DPEP2: variants seen among roughly 807,000 people sequenced by gnomAD.
DPEP2 encodes the protein dipeptidase 2.
A neutral mutation model predicts 51.8 loss-of-function variants in DPEP2; 45 were observed. The observed-to-expected ratio is 0.87, with a 90% CI of 0.68 to 1.11. The LOEUF (loss-of-function observed/expected upper bound fraction) is 1.11. Ranked by LOEUF, DPEP2 falls within the 50% of genes most tolerant of loss-of-function variation. The probability of loss-of-function intolerance (pLI) is 0.00; values close to 1 mark genes in which losing one functional copy is unlikely to be tolerated. For synonymous variants in DPEP2, 255 were observed against 262.7 expected (o/e 0.97, Z 0.28); for missense variants, 604 against 631.9 (o/e 0.96, Z 0.47).
chr16:67,993,152 G>C lies in DPEP2; in HGVS notation c.61C>G (p.Leu21Val). 2.6e-6 allele frequency: 4 copies of C among 1,527,112 alleles called. No individual in the cohort carries two copies. The highest frequency in any genetic ancestry group is 3.5e-6 in the Non-Finnish European group (4 of 1,133,992). 94.6% of individuals were successfully genotyped at this position (1,527,112 alleles called of 1,614,324 possible). ...GGCTGGAGCAGCAGCAGCAGGAGCA[G>C]CAGACTCAGCAGAGGCCACCGACCA... ...TFGRWPLLSL[L>V]LLLLLLQPVT... The change falls in exon 2 of 11, where the codon CTG (leucine) becomes GTG (valine). Residue 21 changes from leucine (L) to valine (V), a missense_variant. Physicochemically the swap from Leu to Val is conservative, Grantham distance 32. Coordinates refer to ENST00000393847, the MANE Select transcript of DPEP2 (RefSeq NM_022355.4).
chr16:67,990,582 G>C (rs1193831982), intron 7 of DPEP2, among the ~76,000 whole-genome samples: 1 of 152,146 alleles, frequency 6.6e-6, no homozygotes, highest in Non-Finnish European at 1.5e-5. Flanking sequence ...TCCTGCCTCA[G>C]CCTCCCAAGT....
chr16:67,990,171 A>G, intron 7 of DPEP2, 40 bp from the exon 8 acceptor site: 1 of 1,599,032 alleles, frequency 6.3e-7, no homozygotes, highest in Non-Finnish European at 8.6e-7. Context: ...CTGGCCCCTC[A>G]GCAAACTGCA....
At chr16:67,990,573 C>T (rs1022367637) in intron 7 of DPEP2, among the ~76,000 whole-genome samples, 42 of 152,256 alleles carry the variant, frequency 2.8e-4, no homozygotes, top group Middle Eastern at 3.4e-3. Flanking sequence ...CAGAGATTCT[C>T]CTGCCTCAGC....
At chr16:67,993,620 A>C in intron 1 of DPEP2, 1 of 992,998 alleles carries the variant, frequency 1.0e-6, no homozygotes, top group Non-Finnish European at 1.2e-6. Context: ...GCTTCCCCCA[A>C]ACAGTGGCCC....
At position 67,991,107 on chromosome 16, in the gene DPEP2, G is replaced by A; in HGVS notation, c.732+8C>T. On this transcript the variant is annotated splice_region_variant and intron_variant, in intron 6 of 10. Transcript: ENST00000393847. The surrounding 1 kb of genome is among the most constrained non-coding windows in gnomAD (Gnocchi z 5.1). Reference sequence around the variant, plus strand: ...TGTTTGGGGTGGAGTGTGAACCAGGGTCCTCACCTCACCAAAGTCAGTCAG... The same window carrying A: ...TGTTTGGGGTGGAGTGTGAACCAGGATCCTCACCTCACCAAAGTCAGTCAG... 1 of 1,614,222 alleles carries A rather than the reference G, an allele frequency of 6.2e-7. No homozygotes were observed. Among genetic ancestry groups the A allele is most frequent in the African/African-American group, 1.3e-5 (1 of 75,066 alleles).
Position 67,992,935 on chromosome 16 carries a change from G to T in DPEP2, c.263+15C>A. The T allele has an allele frequency of 6.2e-7, 1 of 1,604,664 alleles. No individual in the cohort carries two copies. The highest frequency in any genetic ancestry group is 8.5e-7 in the Non-Finnish European group (1 of 1,175,320). On this transcript the variant is annotated intron_variant, in intron 2 of 10. Coordinates refer to ENST00000393847, the MANE Select transcript of DPEP2 (RefSeq NM_022355.4). ...TGTGCTCAGCTCCCATCGCCCCCTT[G>T]CAGCAATTACGCACCCGTCCACGAG...
Position 67,990,118 on chromosome 16 carries a change from C to T in DPEP2, c.923G>A (p.Gly308Asp). The change falls in exon 8 of 11, where the codon GGC (glycine) becomes GAC (aspartate). Residue 308 changes from glycine (G) to aspartate (D), a missense_variant. Coordinates refer to ENST00000393847, the MANE Select transcript of DPEP2 (RefSeq NM_022355.4). ...DILQLLKKNG[G>D]VVMVSLSMGV... ...CATGGACAAAGACACCATCACGACGCCACCGTTCTTCTTCTGCAGGGGCGG... is the reference window on the plus strand; with the variant it reads ...CATGGACAAAGACACCATCACGACGTCACCGTTCTTCTTCTGCAGGGGCGG... The T allele has an allele frequency of 6.2e-7, 1 of 1,614,116 alleles. No individual in the cohort carries two copies. The highest frequency in any genetic ancestry group is 1.1e-5 in the South Asian group (1 of 91,088).
At chr16:67,997,488 C>T (rs550513945) in intron 1 of DPEP2, among the ~76,000 whole-genome samples, 7 of 152,312 alleles carry the variant, frequency 4.6e-5, no homozygotes, top group African/African-American at 1.7e-4. Flanking sequence ...TCCCGAGTAG[C>T]TGGGACTATA....
chr16:67,991,960 T>C lies in DPEP2; in HGVS notation c.540A>G (p.Lys180=). 1.2e-6 allele frequency: 2 copies of C among 1,614,172 alleles called. No homozygotes were observed. Among genetic ancestry groups the C allele is most frequent in the Non-Finnish European group, 1.7e-6 (2 of 1,180,034 alleles). Residue 180 remains lysine (K), a synonymous_variant, in exon 5 of 11, where the codon AAA becomes AAG. Transcript: ENST00000393847. The surrounding 1 kb of genome is among the most constrained non-coding windows in gnomAD (Gnocchi z 5.1). The part of the protein sequence containing the change: ...TSAKALNDTQ[K]LACLIGVEGG... ...CCTCTACACCGATGAGGCAGGCCAA[T>C]TTCTGAGTGTCGTTCAGAGCTGGGG...
Position 67,991,624 on chromosome 16 carries a change from C to A in DPEP2, c.662+214G>T, listed in dbSNP as rs1255235055. On this transcript the variant is annotated intron_variant, in intron 5 of 10. Coordinates refer to ENST00000393847, the MANE Select transcript of DPEP2 (RefSeq NM_022355.4). This position sits in a 1 kb window ranked among gnomAD's most constrained non-coding sequence, Gnocchi z 5.1. The stretch of plus-strand genomic sequence containing the variant: ...AACTCCTGGCCTTAAGTTATCTGTC[C>A]GCCTCAGCCTCCCAAAGTTTTGGGA... 6.0e-6 allele frequency: 4 copies of A among 662,470 alleles called. No individual in the cohort carries two copies. The highest frequency in any genetic ancestry group is 9.8e-6 in the Non-Finnish European group (4 of 406,562). The allele number at this position is 662,470 out of a possible 1,614,324, so 41.0% of individuals were successfully genotyped here.
chr16:67,993,635 C>T (rs1257944680), intron 1 of DPEP2: 2 of 991,714 alleles, frequency 2.0e-6, no homozygotes, highest in Non-Finnish European at 2.4e-6. Context: ...TGGCCCTCTG[C>T]CCTGCCCTGG....
intron 1 of DPEP2, chr16:67,994,002 C>T: frequency 1.0e-6 from 1 of 985,438 alleles, no homozygotes; most frequent in Non-Finnish European, 1.2e-6. Flanking sequence ...AAGGAGCTGC[C>T]ACACCTCCCC....
chr16:67,994,218 G>A, intron 1 of DPEP2: 1 of 985,558 alleles, frequency 1.0e-6, no homozygotes, highest in Non-Finnish European at 1.2e-6. Flanking sequence ...CCTTGAGGAA[G>A]CCCCGGCCTC....
In DPEP2 at chr16:67,990,111, C is replaced by T. The variant is rs368353371; in HGVS notation, c.930G>A (p.Val310=). ...TTACTCCCATGGACAAAGACACCAT[C>T]ACGACGCCACCGTTCTTCTTCTGCA... is the stretch of plus-strand genomic sequence containing the variant. ...LQLLKKNGGV[V]MVSLSMGVIQ... is the part of the protein sequence containing the mutation. Residue 310 remains valine, a synonymous_variant, in exon 8 of 11, where the codon GTG becomes GTA. Transcript: ENST00000393847. 3 of 1,614,118 alleles carry T rather than the reference C, an allele frequency of 1.9e-6. No homozygotes were observed. Among genetic ancestry groups the T allele is most frequent in the Non-Finnish European group, 2.5e-6 (3 of 1,180,014 alleles).
intron 1 of DPEP2, among the ~76,000 whole-genome samples, chr16:67,996,287 A>G (rs1268672109): frequency 2.6e-5 from 4 of 151,810 alleles, no homozygotes; most frequent in Non-Finnish European, 5.9e-5. Context: ...AAATGTAAAA[A>G]TAAGGAAGGG....
intron 1 of DPEP2, among the ~76,000 whole-genome samples, chr16:67,996,202 ATTT>A (rs562548091): frequency 3.1e-5 from 4 of 130,820 alleles, no homozygotes; most frequent in Admixed American, 7.7e-5. Flanking sequence ...ACACTCGGCT[ATTT>A]TTTTTTTTTT....
Position 67,991,935 on chromosome 16 carries a change from C to T in DPEP2, c.565G>A (p.Gly189Ser). 1 of 1,614,084 alleles carries T rather than the reference C, an allele frequency of 6.2e-7. No homozygotes were observed. The highest frequency in any genetic ancestry group is 8.5e-7 in the Non-Finnish European group (1 of 1,180,026). ...AGGCTATTGTCCAGCGAGTGGCCACCCTCTACACCGATGAGGCAGGCCAAT... is the reference window on the plus strand; with the variant it reads ...AGGCTATTGTCCAGCGAGTGGCCACTCTCTACACCGATGAGGCAGGCCAAT... ...QKLACLIGVE[G>S]GHSLDNSLSI... The change falls in exon 5 of 11, where the codon GGT (glycine) becomes AGT (serine). Residue 189 changes from glycine (G) to serine (S), a missense_variant. Physicochemically the swap from Gly to Ser is moderately conservative, Grantham distance 56. Transcript: ENST00000393847. The surrounding 1 kb of genome is among the most constrained non-coding windows in gnomAD (Gnocchi z 5.1).
At position 67,995,004 on chromosome 16, in the gene DPEP2, G is replaced by C. The variant is rs180732637; in HGVS notation, c.-45-1747C>G. On this transcript the variant is annotated intron_variant, in intron 1 of 10. Coordinates refer to ENST00000393847, the MANE Select transcript of DPEP2 (RefSeq NM_022355.4). ...CAATCTCCACCTCCTGGGTTCAAGCGATTCTTGTGCCTTAACTTCCCGAGT... is the reference window on the plus strand; with the variant it reads ...CAATCTCCACCTCCTGGGTTCAAGCCATTCTTGTGCCTTAACTTCCCGAGT... 2.1e-5 allele frequency: 12 copies of C among 567,940 alleles called. No homozygotes were observed. In the East Asian group the frequency reaches 1.2e-3, roughly 55 times the overall value. 35.2% of individuals were successfully genotyped at this position (567,940 alleles called of 1,614,324 possible).
chr16:68,000,448 T>G, upstream of DPEP2: 2 of 985,348 alleles, frequency 2.0e-6, no homozygotes, highest in Non-Finnish European at 2.4e-6. Flanking sequence ...TGGGGCTTAC[T>G]CAGTATCCAG....
Sources: allele counts gnomAD v4.1 joint callset (sites outside exome capture counted in the v4.1 genomes callset), GRCh38; gene constraint gnomAD v4.1.1; non-coding constraint Gnocchi (gnomAD v3.1); transcripts MANE v1.5; gene names NCBI Gene and HGNC (gene_info 2026-07-23, HGNC 2026-07-21).